The following ADGRL4 variants were observed in gnomAD, a reference collection of about 807,000 sequenced individuals.
ADGRL4 encodes EGF, latrophilin and seven transmembrane domain containing 1.
A neutral mutation model predicts 74.8 loss-of-function variants in ADGRL4; 90 were observed. The ratio of observed to expected loss-of-function variants is 1.20; its 90% CI spans 1.02 to 1.43. ADGRL4 has a LOEUF of 1.43. Ranked by LOEUF, ADGRL4 falls within the 40% of genes most tolerant of loss-of-function variation. The pLI, the probability that ADGRL4 is intolerant of heterozygous loss-of-function variation, is 0.00. For synonymous variants in ADGRL4, 311 were observed against 279.2 expected (o/e 1.11, Z -1.14); for missense variants, 881 against 814.3 (o/e 1.08, Z -1.00).
rs1470061843 is a variant in ADGRL4 at position 79,001,886 on chromosome 1, T to G, written c.172+3184A>C. Among the ~76,000 whole-genome samples the G allele has an allele frequency of 2.0e-5, 3 of 152,124 alleles. No individual in the cohort carries two copies. The East Asian group carries it at 5.8e-4, about 29-fold the overall frequency. On this transcript the variant is annotated intron_variant, in intron 2 of 14. Coordinates refer to ENST00000370742, the MANE Select transcript of ADGRL4 (RefSeq NM_022159.4). ...ATCATAGAGGAAAAAGCTTGGTCTCTTCTTCAAAATGCACTGATATCTTTT... is the reference window on the plus strand; with the variant it reads ...ATCATAGAGGAAAAAGCTTGGTCTCGTCTTCAAAATGCACTGATATCTTTT...
In ADGRL4 at chr1:78,973,737, A is replaced by G. The variant is rs532234339; in HGVS notation, c.173-27311T>C. 2.6e-5 allele frequency among the ~76,000 whole-genome samples: 4 copies of G among 151,032 alleles called. No individual in the cohort carries two copies. In the East Asian group the frequency reaches 5.8e-4, roughly 22 times the overall value. ...CCATTTATAATAAATTGAATTGCTT[A>G]TTATCCTTCTTAACTTATAAAAAGT... On this transcript the variant is annotated intron_variant, in intron 2 of 14. Transcript: ENST00000370742.
rs769713500 is a variant in ADGRL4, at chr1:78,890,918, G to A, written c.*236C>T. ...GAAACCAATTACTTTCCAAATATCT[G>A]CAATACTATTTTTGACAGAACTATT... On this transcript the variant is annotated 3_prime_UTR_variant, in exon 15 of 15. Transcript: ENST00000370742. 5.8e-5 allele frequency: 29 copies of A among 497,058 alleles called. No individual in the cohort carries two copies. Among genetic ancestry groups the A allele is most frequent in the African/African-American group, 1.4e-4 (7 of 50,960 alleles). The allele number at this position is 497,058 out of a possible 1,614,324, so 30.8% of individuals were successfully genotyped here. A position where few individuals can be genotyped will look rare whatever the true frequency, so the allele number is the denominator to read the frequency against.
chr1:78,920,618 A>T (rs1552570), intron 9 of ADGRL4, among the ~76,000 whole-genome samples: 1 of 151,628 alleles, frequency 6.6e-6, no homozygotes, highest in Non-Finnish European at 1.5e-5. Context: ...GTAATTGGTG[A>T]TTTTTTTTCT....
At position 78,903,050 on chromosome 1, in the gene ADGRL4, TC is replaced by T. The variant is rs1329876309; in HGVS notation, c.1750-9862del. Among the ~76,000 whole-genome samples the T allele has an allele frequency of 2.6e-5, 4 of 152,302 alleles. No individual in the cohort carries two copies. In the East Asian group the frequency reaches 7.7e-4, roughly 29 times the overall value. The stretch of plus-strand genomic sequence containing the variant: ...CACATTCGAATTCCAGCTGATATTT[TC>T]CCACGGAAAAATTAAACTTTAATAC... On this transcript the variant is annotated intron_variant, in intron 12 of 14. Transcript: ENST00000370742.
chr1:78,898,379 T>C (rs1041231439), intron 12 of ADGRL4, among the ~76,000 whole-genome samples: 1 of 152,132 alleles, frequency 6.6e-6, no homozygotes, highest in Non-Finnish European at 1.5e-5. Context: ...TTTTACTCTT[T>C]AGTGCATATC....
intron 2 of ADGRL4, among the ~76,000 whole-genome samples, chr1:78,949,264 G>T (rs574331395): frequency 6.6e-6 from 1 of 152,156 alleles, no homozygotes; most frequent in East Asian, 1.9e-4. Context: ...CCAATATGTT[G>T]CTTAACCCTG....
intron 2 of ADGRL4, among the ~76,000 whole-genome samples, chr1:78,983,936 T>C (rs1368799694): frequency 6.6e-6 from 1 of 151,776 alleles, no homozygotes; most frequent in East Asian, 1.9e-4. Context: ...CAGATAGCCA[T>C]CTTCAGATAA....
At chr1:78,972,233 A>C (rs1650184919) in intron 2 of ADGRL4, among the ~76,000 whole-genome samples, 1 of 152,172 alleles carries the variant, frequency 6.6e-6, no homozygotes, top group African/African-American at 2.4e-5. Flanking sequence ...ACCTGTATTT[A>C]TCTCCATGGC....
intron 2 of ADGRL4, among the ~76,000 whole-genome samples, chr1:79,002,843 GATTAA>G (rs1276825378): frequency 6.6e-6 from 1 of 152,000 alleles, no homozygotes; most frequent in African/African-American, 2.4e-5. Context: ...ATTAAAAAAT[GATTAA>G]ATTAAATAAA....
At chr1:78,977,027 T>A (rs977244646) in intron 2 of ADGRL4, among the ~76,000 whole-genome samples, 1 of 151,704 alleles carries the variant, frequency 6.6e-6, no homozygotes, top group South Asian at 2.1e-4. Context: ...CTAAATATAA[T>A]TGTAACACTT....
intron 8 of ADGRL4, among the ~76,000 whole-genome samples, chr1:78,925,901 A>T (rs1367611066): frequency 1.3e-5 from 2 of 152,070 alleles, no homozygotes; most frequent in Non-Finnish European, 2.9e-5. Context: ...TAGTATTAAA[A>T]ACGTCTTTTG....
rs556576861 is a variant in ADGRL4, at chr1:78,891,078, C to A, written c.*76G>T. On this transcript the variant is annotated 3_prime_UTR_variant, in exon 15 of 15. Coordinates refer to ENST00000370742, the MANE Select transcript of ADGRL4 (RefSeq NM_022159.4). ...TTAATAATTGGATAATTTGATGAGT[C>A]ATTTTTATACATTGGTCATCCACAG... The A allele has an allele frequency of 1.1e-5, 15 of 1,402,306 alleles. 1 individual carries two copies. In the South Asian group the frequency reaches 1.8e-4, roughly 16 times the overall value. The allele number at this position is 1,402,306 out of a possible 1,614,324, so 86.9% of individuals were successfully genotyped here.
At chr1:78,964,589 C>T (rs537512917) in intron 2 of ADGRL4, among the ~76,000 whole-genome samples, 3 of 152,056 alleles carry the variant, frequency 2.0e-5, no homozygotes, top group African/African-American at 4.8e-5. Flanking sequence ...ATTTCAAAAC[C>T]TAATAAAATT....
chr1:78,918,076 AC>A (rs1394707458), intron 10 of ADGRL4, 26 bp from the exon 11 acceptor site: 8 of 1,518,838 alleles, frequency 5.3e-6, no homozygotes, highest in African/African-American at 2.8e-5. Context: ...AAAAAAAAAA[AC>A]ATTGTCAGTG....
At chr1:78,980,664 A>G (rs952592154) in intron 2 of ADGRL4, among the ~76,000 whole-genome samples, 1 of 152,002 alleles carries the variant, frequency 6.6e-6, no homozygotes, top group African/African-American at 2.4e-5. Context: ...GGAATTTATG[A>G]GCAGTTCTGA....
rs189385131 is a variant in ADGRL4, at chr1:78,920,273, G to T, written c.1371C>A (p.Ser457Arg). 206 of 1,612,042 alleles carry T rather than the reference G, an allele frequency of 1.3e-4. No individual in the cohort carries two copies. The highest frequency in any genetic ancestry group is 1.6e-4 in the Non-Finnish European group (194 of 1,178,772). ...FTFWFFSEIQ[S>R]TRTTIHKNLC... ...GATTTTTGTGAATTGTTGTCCTGGT[G>T]CTTTGAATTTCACTGAAGAACCAGA... The change falls in exon 10 of 15, where the codon AGC becomes AGA. Residue 457 changes from serine to arginine, a missense_variant. Transcript: ENST00000370742.
intron 2 of ADGRL4, among the ~76,000 whole-genome samples, chr1:78,992,006 C>A (rs1251488629): frequency 1.3e-5 from 2 of 152,018 alleles, no homozygotes; most frequent in Admixed American, 1.3e-4. Context: ...ACCATAATCT[C>A]TAAATTAAAT....
intron 2 of ADGRL4, among the ~76,000 whole-genome samples, chr1:78,951,359 A>G (rs1649718542): frequency 6.6e-6 from 1 of 152,146 alleles, no homozygotes; most frequent in African/African-American, 2.4e-5. Flanking sequence ...GCCTCTCCAC[A>G]TATTTTTCTT....
chr1:78,909,509 AGACAG>A (rs1276693712), intron 12 of ADGRL4, among the ~76,000 whole-genome samples: 1 of 152,024 alleles, frequency 6.6e-6, no homozygotes, highest in East Asian at 1.9e-4. Flanking sequence ...ATAATAGCAC[AGACAG>A]GACAGCCTCC....
Sources: allele counts gnomAD v4.1 joint callset (sites outside exome capture counted in the v4.1 genomes callset), GRCh38; gene constraint gnomAD v4.1.1; transcripts MANE v1.5; gene names NCBI Gene and HGNC (gene_info 2026-07-23, HGNC 2026-07-21).